Variants in TMEM132B observed in about 807,000 individuals in gnomAD.
The protein encoded by TMEM132B is transmembrane protein 132B.
A neutral mutation model predicts 90.8 loss-of-function variants in TMEM132B; 18 were observed. The observed-to-expected ratio is 0.20, with a 90% confidence interval of 0.14 to 0.29. TMEM132B has a LOEUF of 0.29. TMEM132B is among the 10% of genes least tolerant of loss of function. TMEM132B has a pLI of 1.00. For synonymous variants in TMEM132B, 504 were observed against 523.3 expected (o/e 0.96, Z 0.50); for missense variants, 1,096 against 1,326.8 (o/e 0.83, Z 2.70).
chr12:125,493,851 T>C (rs1344423566), intron 3 of TMEM132B, among the ~76,000 whole-genome samples: 5 of 147,134 alleles, frequency 3.4e-5, no homozygotes, highest in African/African-American at 1.3e-4. Flanking sequence ...CTCCTCCCCG[T>C]CCTCCCTGGA....
At chr12:125,333,294 C>T (rs1876850249) in intron 1 of TMEM132B, among the ~76,000 whole-genome samples, 1 of 152,128 alleles carries the variant, frequency 6.6e-6, no homozygotes, top group Non-Finnish European at 1.5e-5. Context: ...TTATGTCATC[C>T]AATGAGCTCA....
At chr12:125,450,245 T>C (rs1352284842) in intron 3 of TMEM132B, among the ~76,000 whole-genome samples, 1 of 152,180 alleles carries the variant, frequency 6.6e-6, no homozygotes, top group Non-Finnish European at 1.5e-5. Flanking sequence ...AATGGCTGAC[T>C]TCAGTTCTGG....
intron 4 of TMEM132B, among the ~76,000 whole-genome samples, chr12:125,577,075 C>T (rs1000050744): frequency 2.6e-5 from 4 of 151,478 alleles, no homozygotes; most frequent in Non-Finnish European, 4.4e-5. Flanking sequence ...ACTCTTTCTT[C>T]AATCTTTTGT....
At chr12:125,366,679 T>G (rs1878143541) in intron 2 of TMEM132B, among the ~76,000 whole-genome samples, 2 of 152,208 alleles carry the variant, frequency 1.3e-5, no homozygotes, top group South Asian at 4.1e-4. Context: ...GGGTTTGTTG[T>G]GTAGTTAAAT....
intron 4 of TMEM132B, among the ~76,000 whole-genome samples, chr12:125,524,972 G>A (rs886753206): frequency 1.3e-5 from 2 of 152,212 alleles, no homozygotes; most frequent in Non-Finnish European, 2.9e-5. Context: ...AAGGTGAATG[G>A]ACATTAGCCA....
intron 1 of TMEM132B, among the ~76,000 whole-genome samples, chr12:125,316,747 G>T (rs1477074640): frequency 6.6e-6 from 1 of 152,170 alleles, no homozygotes; most frequent in Non-Finnish European, 1.5e-5. Context: ...GACACAAAGT[G>T]GGGGGCTGCA....
chr12:125,595,704 C>T (rs1050404692), intron 5 of TMEM132B, among the ~76,000 whole-genome samples: 5 of 152,198 alleles, frequency 3.3e-5, no homozygotes, highest in South Asian at 2.1e-4. Context: ...TAATCACTAT[C>T]ACCTAAATGG....
At chr12:125,231,886 C>T (rs977098676) in intron 1 of TMEM132B, among the ~76,000 whole-genome samples, 2 of 146,628 alleles carry the variant, frequency 1.4e-5, no homozygotes, top group African/African-American at 5.0e-5. Context: ...CTTTTGTGTC[C>T]CCCCCCCACC....
In TMEM132B at chr12:125,277,472, C is replaced by G. The variant is rs905693257; in HGVS notation, c.68-71980C>G. 2.3e-4 allele frequency among the ~76,000 whole-genome samples: 26 copies of G among 111,124 alleles called. No homozygotes were observed. Among genetic ancestry groups the G allele is most frequent in the African/African-American group, 1.0e-3 (25 of 24,720 alleles). The allele number at this position is 111,124 out of a possible 152,430, so 72.9% of individuals were successfully genotyped here. A position where few individuals can be genotyped will look rare whatever the true frequency, so the allele number is the denominator to read the frequency against. On this transcript the variant is annotated intron_variant, in intron 1 of 8. Transcript: ENST00000682704. The surrounding 1 kb of genome is among the most constrained non-coding windows in gnomAD (Gnocchi z 4.3). ...CTATGTGGGCAACAAGAGCAAGACT[C>G]TGTCTCAAAAAAAAAAGATGAAGAG...
At chr12:125,480,741 C>A (rs1882016026) in intron 3 of TMEM132B, among the ~76,000 whole-genome samples, 1 of 152,182 alleles carries the variant, frequency 6.6e-6, no homozygotes, top group South Asian at 2.1e-4. Context: ...AAGAGGGAAT[C>A]CTCCCTAACT....
chr12:125,598,499 A>G (rs1885496409), intron 5 of TMEM132B, among the ~76,000 whole-genome samples: 1 of 152,162 alleles, frequency 6.6e-6, no homozygotes, highest in Non-Finnish European at 1.5e-5. Flanking sequence ...TAAAACATGA[A>G]TTCTTTACAG....
chr12:125,339,362 C>G (rs1049924635), intron 1 of TMEM132B, among the ~76,000 whole-genome samples: 2 of 152,170 alleles, frequency 1.3e-5, no homozygotes, highest in African/African-American at 4.8e-5. Context: ...ACCACATGGT[C>G]TTCCCTGTGT....
At chr12:125,425,301 A>G (rs1291727020) in intron 3 of TMEM132B, among the ~76,000 whole-genome samples, 55 of 152,372 alleles carry the variant, frequency 3.6e-4, no homozygotes, top group Non-Finnish European at 1.5e-5. Flanking sequence ...AAAATGTAAT[A>G]GCCTTCTTTG....
chr12:125,221,233 A>G (rs189582548), intron 1 of TMEM132B, among the ~76,000 whole-genome samples: 1 of 152,338 alleles, frequency 6.6e-6, no homozygotes, highest in African/African-American at 2.4e-5. Context: ...ATAGATATAT[A>G]CCCAGGACCT....
intron 3 of TMEM132B, among the ~76,000 whole-genome samples, chr12:125,515,718 G>A (rs570580303): frequency 6.7e-6 from 1 of 150,010 alleles, no homozygotes; most frequent in African/African-American, 2.5e-5. Context: ...ACATTCACAC[G>A]TTCTCACACA....
intron 1 of TMEM132B, among the ~76,000 whole-genome samples, chr12:125,215,643 G>A (rs1359383447): frequency 6.6e-6 from 1 of 152,192 alleles, no homozygotes; most frequent in Non-Finnish European, 1.5e-5. Context: ...CCAGGCTCAA[G>A]TGATTCTCCT....
intron 1 of TMEM132B, among the ~76,000 whole-genome samples, chr12:125,318,151 C>G (rs1876335839): frequency 6.6e-6 from 1 of 151,688 alleles, no homozygotes; most frequent in Admixed American, 6.6e-5. Flanking sequence ...TACAACATAT[C>G]TTACCATATG....
chr12:125,413,530 C>T (rs950409307), intron 2 of TMEM132B, among the ~76,000 whole-genome samples: 24 of 152,202 alleles, frequency 1.6e-4, no homozygotes, highest in Admixed American at 2.6e-4. Flanking sequence ...TCCCTGGAAA[C>T]CACCAGTCTA....
chr12:125,622,660 G>C, intron 5 of TMEM132B: 1 of 985,410 alleles, frequency 1.0e-6, no homozygotes, highest in Admixed American at 6.1e-5. Context: ...TCTCTGGGTA[G>C]CACTGAACAG....
Sources: allele counts gnomAD v4.1 joint callset (sites outside exome capture counted in the v4.1 genomes callset), GRCh38; gene constraint gnomAD v4.1.1; non-coding constraint Gnocchi (gnomAD v3.1); transcripts MANE v1.5; gene names NCBI Gene and HGNC (gene_info 2026-07-23, HGNC 2026-07-21).